FANCB: variants seen among roughly 807,000 people sequenced by gnomAD.
The protein encoded by FANCB is Fanconi anemia group B protein.
In FANCB, 5 loss-of-function variants were observed where a neutral mutation model predicts 38.9. The ratio of observed to expected loss-of-function variants is 0.13; its 90% CI spans 0.07 to 0.27. The LOEUF (loss-of-function observed/expected upper bound fraction) is 0.27, where lower values mean the gene tolerates loss of function less well. Ranked by LOEUF, FANCB falls within the 10% of genes least tolerant of loss-of-function variation. FANCB has a pLI of 1.00. For synonymous variants in FANCB, 236 were observed against 215.4 expected, an observed-to-expected ratio of 1.10 and a Z score of -0.84; for missense variants, 573 against 602.7, an observed-to-expected ratio of 0.95 and a Z score of 0.52.
At chrX:14,766,302 T>C in the FANCB span, among the ~76,000 whole-genome samples, 1 of 112,427 alleles carries the variant, frequency 8.9e-6, no homozygotes, top group African/African-American at 3.2e-5. Flanking sequence ...CATACATTTA[T>C]TTGTTCATTC....
the FANCB span, among the ~76,000 whole-genome samples, chrX:14,820,761 A>T: frequency 3.8e-4 from 38 of 100,697 alleles, 1 homozygote; most frequent in African/African-American, 1.1e-3. Context: ...AGATCTTTAT[A>T]AAAAAAATTG....
the FANCB span, among the ~76,000 whole-genome samples, chrX:14,829,962 C>T: frequency 1.8e-5 from 2 of 112,234 alleles, no homozygotes; most frequent in African/African-American, 3.2e-5. Context: ...AACTGCCTTC[C>T]TCACTAAGCT....
chrX:14,770,682 C>A, the FANCB span, among the ~76,000 whole-genome samples: 3,031 of 111,559 alleles, frequency 0.027, 99 homozygotes, highest in African/African-American at 0.094. Flanking sequence ...CATTGTGATG[C>A]TAGCTGGTTA....
intron 3 of FANCB, among the ~76,000 whole-genome samples, chrX:14,860,024 T>A (rs149548476): frequency 9.0e-6 from 1 of 111,583 alleles, no homozygotes; most frequent in East Asian, 2.8e-4. Context: ...ACGGAATGAT[T>A]TGGTCAGTTT....
At chrX:14,837,169 C>T (rs2092343448) in intron 10 of FANCB, among the ~76,000 whole-genome samples, 1 of 112,063 alleles carries the variant, frequency 8.9e-6, no homozygotes, top group Non-Finnish European at 1.9e-5. Context: ...AAATAGAAAA[C>T]AGAATTCTAC....
chrX:14,702,831 G>A, the FANCB span, among the ~76,000 whole-genome samples: 4 of 111,447 alleles, frequency 3.6e-5, no homozygotes, highest in Admixed American at 9.5e-5. Flanking sequence ...ACAGGGTTGC[G>A]TGAAAAGGTG....
intron 6 of FANCB, among the ~76,000 whole-genome samples, chrX:14,851,746 G>C (rs1479718558): frequency 8.9e-6 from 1 of 112,175 alleles, no homozygotes; most frequent in Non-Finnish European, 1.9e-5. Flanking sequence ...AAATCATTGA[G>C]GTGAGGAAAG....
chrX:14,740,349 C>A, the FANCB span, among the ~76,000 whole-genome samples: 1 of 110,987 alleles, frequency 9.0e-6, no homozygotes, highest in Non-Finnish European at 1.9e-5. Context: ...AGAGTCCTCA[C>A]TTTGGCCACA....
downstream of FANCB, among the ~76,000 whole-genome samples, chrX:14,839,213 G>A (rs1865997680): frequency 9.0e-6 from 1 of 110,891 alleles, no homozygotes; most frequent in Non-Finnish European, 1.9e-5. Flanking sequence ...AGAATCACTT[G>A]AACCCAGAAA....
At chrX:14,769,365 T>C in the FANCB span, among the ~76,000 whole-genome samples, 1 of 111,886 alleles carries the variant, frequency 8.9e-6, no homozygotes, top group East Asian at 2.8e-4. Flanking sequence ...ATTCAGAGAT[T>C]CAATTTCTTT....
downstream of FANCB, among the ~76,000 whole-genome samples, chrX:14,840,938 A>G (rs1601973718): frequency 8.9e-6 from 1 of 111,965 alleles, no homozygotes; most frequent in East Asian, 2.8e-4. Context: ...GTGACACCCT[A>G]CTGAATAAAA....
chrX:14,809,123 T>C, the FANCB span, among the ~76,000 whole-genome samples: 1 of 112,309 alleles, frequency 8.9e-6, no homozygotes, highest in Non-Finnish European at 1.9e-5. Context: ...TAGCAATCTA[T>C]AGATTCAATG....
chrX:14,743,084 G>A, the FANCB span, among the ~76,000 whole-genome samples: 3 of 112,062 alleles, frequency 2.7e-5, no homozygotes, highest in East Asian at 2.8e-4. Context: ...AGGCGAGTAG[G>A]CCTTCAGTGC....
At chrX:14,816,132 C>G in the FANCB span, among the ~76,000 whole-genome samples, 1 of 111,013 alleles carries the variant, frequency 9.0e-6, no homozygotes, top group Admixed American at 9.6e-5. Flanking sequence ...ACCCATGTAT[C>G]AAAACTGCAT....
chrX:14,701,490 G>A, the FANCB span, among the ~76,000 whole-genome samples: 2 of 111,437 alleles, frequency 1.8e-5, no homozygotes, highest in Non-Finnish European at 3.8e-5. Flanking sequence ...TTGCATGCCC[G>A]TGAAGCCAAT....
In FANCB at chrX:14,868,105, T is replaced by C. The variant is rs1349317452; in HGVS notation, c.-71+818A>G. Among the ~76,000 whole-genome samples the C allele has an allele frequency of 2.7e-5, 3 of 111,690 alleles. No individual in the cohort carries two copies. The East Asian group carries it at 8.4e-4, about 31-fold the overall frequency. ...AGAAAAAGGAACACTTACACACTGCTGGTAGGAAGGTAAATTAGTATAGCC... is the reference window on the plus strand; with the variant it reads ...AGAAAAAGGAACACTTACACACTGCCGGTAGGAAGGTAAATTAGTATAGCC... On this transcript the variant is annotated intron_variant, in intron 2 of 9. Coordinates refer to ENST00000650831, the MANE Select transcript of FANCB (RefSeq NM_001018113.3).
the FANCB span, among the ~76,000 whole-genome samples, chrX:14,763,082 C>A: frequency 9.0e-6 from 1 of 111,406 alleles, no homozygotes; most frequent in East Asian, 2.8e-4. Flanking sequence ...GAAAGGTAGG[C>A]TGGTGCTAGA....
At chrX:14,723,192 G>A in the FANCB span, among the ~76,000 whole-genome samples, 1 of 111,746 alleles carries the variant, frequency 8.9e-6, no homozygotes, top group South Asian at 3.7e-4. Flanking sequence ...CACCTCAATC[G>A]TATTATTTTC....
At chrX:14,733,950 G>A in the FANCB span, among the ~76,000 whole-genome samples, 7,286 of 111,559 alleles carry the variant, frequency 0.065, 300 homozygotes, top group African/African-American at 0.14. Context: ...ATTTTAATAT[G>A]TTTATTTTGA....
Sources: gnomAD v4.1 joint callset for allele counts (sites outside exome capture counted in the v4.1 genomes callset) on GRCh38, gnomAD v4.1.1 for gene constraint, MANE v1.5 for transcripts, NCBI Gene and HGNC (gene_info 2026-07-23, HGNC 2026-07-21) for gene names.